KIAA1328: variants seen among roughly 807,000 people sequenced by gnomAD.
KIAA1328 encodes protein hinderin.
In KIAA1328, 52 loss-of-function variants were observed where a neutral mutation model predicts 68.1. The observed-to-expected ratio is 0.76, with a 90% CI of 0.61 to 0.96. KIAA1328 has a LOEUF of 0.96. Among genes scored for constraint, KIAA1328 ranks in the 40% least tolerant of loss-of-function variants. The pLI is 0.00. For missense variants in KIAA1328, 641 were observed against 677.6 expected (o/e 0.95, Z 0.60); for synonymous variants, 232 against 239.4 (o/e 0.97, Z 0.28).
chr18:36,930,956 T>A (rs2050287703), intron 5 of KIAA1328, among the ~76,000 whole-genome samples: 1 of 152,100 alleles, frequency 6.6e-6, no homozygotes, highest in Non-Finnish European at 1.5e-5. Flanking sequence ...AAAGTGAACA[T>A]TTTTCTTTCT....
At chr18:36,952,185 C>A (rs1283563646) in intron 5 of KIAA1328, among the ~76,000 whole-genome samples, 1 of 152,142 alleles carries the variant, frequency 6.6e-6, no homozygotes, top group Non-Finnish European at 1.5e-5. Flanking sequence ...AGGGGTACTG[C>A]ACAGCCTACC....
At chr18:36,830,040 A>G (rs1433346558) in intron 1 of KIAA1328, among the ~76,000 whole-genome samples, 1 of 152,212 alleles carries the variant, frequency 6.6e-6, no homozygotes, top group African/African-American at 2.4e-5. Context: ...AGGGACGGCA[A>G]TCTGTGTTAC....
chr18:37,154,853 C>G (rs943285951), intron 7 of KIAA1328, among the ~76,000 whole-genome samples: 14 of 152,008 alleles, frequency 9.2e-5, no homozygotes, highest in African/African-American at 3.4e-4. Context: ...TTATTTATTT[C>G]CCCTCATTTT....
At chr18:37,186,674 C>A (rs536744633) in intron 9 of KIAA1328, among the ~76,000 whole-genome samples, 24 of 149,942 alleles carry the variant, frequency 1.6e-4, no homozygotes, top group Non-Finnish European at 3.1e-4. Flanking sequence ...CTTTACTATG[C>A]CTTTTTAGAG....
At chr18:36,883,546 A>G (rs1212435784) in intron 4 of KIAA1328, among the ~76,000 whole-genome samples, 1 of 152,140 alleles carries the variant, frequency 6.6e-6, no homozygotes, top group East Asian at 1.9e-4. Flanking sequence ...TGCATTACTC[A>G]CTGTTTGCTT....
intron 6 of KIAA1328, among the ~76,000 whole-genome samples, chr18:36,974,394 CAT>C (rs1212211672): frequency 6.6e-6 from 1 of 152,118 alleles, no homozygotes; most frequent in Non-Finnish European, 1.5e-5. Flanking sequence ...TAAGTGAGAA[CAT>C]GTGGTATTTT....
intron 7 of KIAA1328, among the ~76,000 whole-genome samples, chr18:37,087,771 A>T (rs1398883921): frequency 6.6e-6 from 1 of 152,196 alleles, no homozygotes; most frequent in East Asian, 1.9e-4. Flanking sequence ...GGATAGAAGC[A>T]TTATTTAACT....
At chr18:37,206,322 G>T (rs950591083) in intron 9 of KIAA1328, among the ~76,000 whole-genome samples, 5 of 152,170 alleles carry the variant, frequency 3.3e-5, no homozygotes, top group African/African-American at 1.2e-4. Flanking sequence ...AGGTGGTAGG[G>T]TTGAGGACAG....
chr18:36,953,381 GATA>G lies in KIAA1328; in HGVS notation c.449-5926_449-5924del, dbSNP rs1568208190. On this transcript the variant is annotated intron_variant, in intron 5 of 9. Coordinates refer to ENST00000280020, the MANE Select transcript of KIAA1328 (RefSeq NM_020776.3). ...TAGCCAATGCCAACAACTATAGATA[GATA>G]GATAGATAGATAGATAGATAGATAG... is the stretch of plus-strand genomic sequence containing the variant. Among the ~76,000 whole-genome samples, 36 of 45,346 alleles carry G rather than the reference GATA, an allele frequency of 7.9e-4. No homozygotes were observed. The East Asian group carries it at 0.014, about 18-fold the overall frequency. The allele number at this position is 45,346 out of a possible 152,430, so 29.7% of individuals were successfully genotyped here. A position where few individuals can be genotyped will look rare whatever the true frequency, so the allele number is the denominator to read the frequency against.
At chr18:37,220,429 T>C (rs1397768570) in intron 9 of KIAA1328, among the ~76,000 whole-genome samples, 1 of 152,172 alleles carries the variant, frequency 6.6e-6, no homozygotes, top group Non-Finnish European at 1.5e-5. Flanking sequence ...GAATAGTGGG[T>C]TTTTTCCTAT....
At chr18:37,087,313 G>A (rs1422174181) in intron 7 of KIAA1328, among the ~76,000 whole-genome samples, 1 of 152,150 alleles carries the variant, frequency 6.6e-6, no homozygotes, top group Non-Finnish European at 1.5e-5. Flanking sequence ...ACCCGCCTCA[G>A]CTTCCCAAAG....
intron 9 of KIAA1328, among the ~76,000 whole-genome samples, chr18:37,204,762 CA>C (rs33939558): frequency 0.63 from 64,658 of 103,438 alleles, 17,170 homozygotes; most frequent in Middle Eastern, 0.72. Context: ...GAGTTTCAGT[CA>C]AAAAAAAAAA....
intron 5 of KIAA1328, among the ~76,000 whole-genome samples, chr18:36,899,372 A>G (rs1447557295): frequency 6.6e-6 from 1 of 151,966 alleles, no homozygotes; most frequent in African/African-American, 2.4e-5. Flanking sequence ...AAATAAATAC[A>G]TGTTACGTGA....
intron 6 of KIAA1328, among the ~76,000 whole-genome samples, chr18:36,984,517 T>C (rs184206658): frequency 9.6e-4 from 146 of 152,244 alleles, no homozygotes; most frequent in African/African-American, 3.4e-3. Flanking sequence ...AAAACACTTC[T>C]ATGTATATGG....
chr18:37,113,961 A>G lies in KIAA1328; in HGVS notation c.1233-46239A>G, dbSNP rs1424201204. 3.3e-5 allele frequency among the ~76,000 whole-genome samples: 5 copies of G among 152,360 alleles called. No individual in the cohort carries two copies. In the East Asian group the frequency reaches 9.6e-4, roughly 29 times the overall value. On this transcript the variant is annotated intron_variant, in intron 7 of 9. Transcript: ENST00000280020. ...ATCAATTCACCAAGAAGAGCCAACCATCCTAAATATATATGCACCCAATAC... is the reference window on the plus strand; with the variant it reads ...ATCAATTCACCAAGAAGAGCCAACCGTCCTAAATATATATGCACCCAATAC...
chr18:37,049,788 G>T (rs1203614631), intron 6 of KIAA1328, among the ~76,000 whole-genome samples: 3 of 152,134 alleles, frequency 2.0e-5, no homozygotes, highest in African/African-American at 4.8e-5. Context: ...TCTTCTGTCT[G>T]TCTTATTTGT....
intron 7 of KIAA1328, among the ~76,000 whole-genome samples, chr18:37,158,925 A>G (rs904022360): frequency 6.6e-6 from 1 of 152,110 alleles, no homozygotes; most frequent in Non-Finnish European, 1.5e-5. Context: ...GTAAATTTAT[A>G]TAACATTCAC....
At chr18:36,919,123 T>G (rs528247259) in intron 5 of KIAA1328, among the ~76,000 whole-genome samples, 236 of 152,292 alleles carry the variant, frequency 1.5e-3, no homozygotes, top group Non-Finnish European at 2.8e-3. Context: ...AGGGTTTTAT[T>G]CCTTTATTAT....
intron 6 of KIAA1328, among the ~76,000 whole-genome samples, chr18:37,017,185 T>G (rs2054182450): frequency 6.6e-6 from 1 of 152,112 alleles, no homozygotes; most frequent in Admixed American, 6.6e-5. Context: ...TTCAAAGAAT[T>G]TTTTTATTTC....
Sources: allele counts gnomAD v4.1 joint callset (sites outside exome capture counted in the v4.1 genomes callset), GRCh38; gene constraint gnomAD v4.1.1; transcripts MANE v1.5; gene names NCBI Gene and HGNC (gene_info 2026-07-23, HGNC 2026-07-21).